The following CDH13 variants were observed in gnomAD, a reference collection of about 807,000 sequenced individuals.
CDH13 encodes the protein cadherin 13, also known as cadherin-13.
CDH13 carries 24 observed loss-of-function variants against 63.8 expected under a neutral mutation model. That is an observed-to-expected ratio of 0.38 (90% CI 0.27 to 0.53). The LOEUF (loss-of-function observed/expected upper bound fraction) is 0.53. Among genes scored for constraint, CDH13 ranks in the 20% least tolerant of loss-of-function variants. The pLI is 0.85. For missense variants in CDH13, 1,049 were observed against 903.1 expected (o/e 1.16, Z -2.07); for synonymous variants, 503 against 355.3 (o/e 1.42, Z -4.67).
chr16:82,690,413 T>A (rs979507190), intron 1 of CDH13, among the ~76,000 whole-genome samples: 1 of 152,158 alleles, frequency 6.6e-6, no homozygotes, highest in Non-Finnish European at 1.5e-5. Context: ...AAAATTAATA[T>A]CTAAGAGTCA....
chr16:83,512,501 C>G (rs1469468052), intron 7 of CDH13, among the ~76,000 whole-genome samples: 1 of 150,648 alleles, frequency 6.6e-6, no homozygotes, highest in Non-Finnish European at 1.5e-5. Flanking sequence ...AAACCGATCT[C>G]TACTAAAAAT....
chr16:83,486,450 C>A lies in CDH13; in HGVS notation c.782-27C>A, dbSNP rs765773319. On this transcript the variant is annotated intron_variant, in intron 6 of 13. Transcript: ENST00000567109. ...CGTTGTTGACCCATTGATAACCATT[C>A]CGTGCCTTTCTGTCTTGCCCCGGTA... 1.9e-6 allele frequency: 3 copies of A among 1,598,944 alleles called. No homozygotes were observed. The South Asian group carries it at 3.4e-5, about 18-fold the overall frequency.
chr16:83,371,915 G>T (rs904668173), intron 6 of CDH13, among the ~76,000 whole-genome samples: 3 of 152,130 alleles, frequency 2.0e-5, no homozygotes, highest in Admixed American at 1.3e-4. Flanking sequence ...AAAAAAATAG[G>T]TGTTTAATAA....
At chr16:82,941,898 G>T (rs2151309800) in intron 2 of CDH13, among the ~76,000 whole-genome samples, 1 of 152,230 alleles carries the variant, frequency 6.6e-6, no homozygotes, top group Admixed American at 6.5e-5. Flanking sequence ...CCATTTAAAA[G>T]AAACTTCCCT....
chr16:83,226,179 T>A (rs2039831572), intron 5 of CDH13, among the ~76,000 whole-genome samples: 1 of 152,210 alleles, frequency 6.6e-6, no homozygotes, highest in Non-Finnish European at 1.5e-5. Flanking sequence ...CGTCTCTTCG[T>A]ATTTCCAAGC....
intron 4 of CDH13, among the ~76,000 whole-genome samples, chr16:83,198,627 A>G (rs1018665229): frequency 2.0e-5 from 3 of 152,166 alleles, no homozygotes; most frequent in African/African-American, 7.2e-5. Context: ...CATCCTCTCC[A>G]TCCCACTCTG....
intron 4 of CDH13, among the ~76,000 whole-genome samples, chr16:83,135,069 A>C (rs534772900): frequency 2.0e-5 from 3 of 152,296 alleles, no homozygotes; most frequent in East Asian, 1.9e-4. Flanking sequence ...AGGGTTGTTG[A>C]AGAATTTTCA....
chr16:83,160,582 G>C (rs1216795750), intron 4 of CDH13, among the ~76,000 whole-genome samples: 1 of 152,124 alleles, frequency 6.6e-6, no homozygotes, highest in Non-Finnish European at 1.5e-5. Flanking sequence ...TGCTCGTGTG[G>C]CCTTCCAAAA....
At chr16:82,981,346 A>G (rs1222896495) in intron 2 of CDH13, among the ~76,000 whole-genome samples, 1 of 152,094 alleles carries the variant, frequency 6.6e-6, no homozygotes, top group African/African-American at 2.4e-5. Context: ...GTCCAATTTC[A>G]AATTCTTCCG....
intron 3 of CDH13, among the ~76,000 whole-genome samples, chr16:83,050,606 T>G (rs2030204656): frequency 6.6e-6 from 1 of 152,260 alleles, no homozygotes; most frequent in Non-Finnish European, 1.5e-5. Flanking sequence ...CCTCAACAAT[T>G]TTATCCAACC....
At chr16:83,625,261 C>T (rs545150778) in intron 8 of CDH13, among the ~76,000 whole-genome samples, 31 of 152,104 alleles carry the variant, frequency 2.0e-4, no homozygotes, top group Non-Finnish European at 3.1e-4. Context: ...GCCAAAATGA[C>T]GGACCCTGTG....
chr16:83,268,728 T>C (rs1407933554), intron 5 of CDH13, among the ~76,000 whole-genome samples: 1 of 152,156 alleles, frequency 6.6e-6, no homozygotes, highest in African/African-American at 2.4e-5. Flanking sequence ...CATAATGTGA[T>C]TGATGTTGAG....
intron 2 of CDH13, among the ~76,000 whole-genome samples, chr16:82,863,762 A>C (rs867004886): frequency 6.6e-6 from 1 of 152,218 alleles, no homozygotes; most frequent in Non-Finnish European, 1.5e-5. Flanking sequence ...AATTGGCTTT[A>C]AGAAGAAAAA....
intron 4 of CDH13, among the ~76,000 whole-genome samples, chr16:83,210,966 A>G (rs554861918): frequency 1.1e-3 from 162 of 151,820 alleles, no homozygotes; most frequent in African/African-American, 3.8e-3. Flanking sequence ...TGGCTAACAC[A>G]GTGAAACCCT....
chr16:83,241,362 C>G (rs1271765554), intron 5 of CDH13, among the ~76,000 whole-genome samples: 2 of 152,206 alleles, frequency 1.3e-5, no homozygotes, highest in East Asian at 1.9e-4. Flanking sequence ...AGTGAGATTG[C>G]TAGATCATAT....
At chr16:82,980,612 T>C (rs1461136655) in intron 2 of CDH13, among the ~76,000 whole-genome samples, 2 of 152,160 alleles carry the variant, frequency 1.3e-5, no homozygotes, top group Non-Finnish European at 2.9e-5. Context: ...CTCCCAACAA[T>C]CTAGGAAGAT....
At chr16:83,526,136 C>A (rs2074953749) in intron 7 of CDH13, among the ~76,000 whole-genome samples, 2 of 152,196 alleles carry the variant, frequency 1.3e-5, no homozygotes, top group Non-Finnish European at 2.9e-5. Flanking sequence ...ACCAAAAACA[C>A]CAGGAAATGC....
chr16:83,772,867 C>T (rs962344064), intron 11 of CDH13: 1 of 152,088 alleles, frequency 6.6e-6, no homozygotes, highest in Non-Finnish European at 1.5e-5. Context: ...CTGAACATGT[C>T]AAAGAAAAAT....
intron 6 of CDH13, among the ~76,000 whole-genome samples, chr16:83,468,253 T>C (rs1055456151): frequency 3.9e-5 from 6 of 152,134 alleles, no homozygotes; most frequent in African/African-American, 1.4e-4. Flanking sequence ...CAGGTGTTCT[T>C]AGAAGAAAGA....
Sources: allele counts gnomAD v4.1 joint callset (sites outside exome capture counted in the v4.1 genomes callset), GRCh38; gene constraint gnomAD v4.1.1; transcripts MANE v1.5; gene names NCBI Gene and HGNC (gene_info 2026-07-23, HGNC 2026-07-21).